The following DNM2 variants were observed in gnomAD, a reference collection of about 807,000 sequenced individuals.
DNM2 encodes the protein dynamin-2.
A neutral mutation model predicts 99.0 loss-of-function variants in DNM2; 15 were observed. The observed-to-expected ratio is 0.15, with a 90% CI of 0.10 to 0.23. The LOEUF (loss-of-function observed/expected upper bound fraction) is 0.23, where lower values mean the gene tolerates loss of function less well. Ranked by LOEUF, DNM2 falls within the 10% of genes least tolerant of loss-of-function variation. The pLI, the probability that DNM2 is intolerant of heterozygous loss-of-function variation, is 1.00. For synonymous variants in DNM2, 525 were observed against 481.2 expected (o/e 1.09, Z -1.19); for missense variants, 742 against 1,189.4 (o/e 0.62, Z 5.53).
intron 1 of DNM2, among the ~76,000 whole-genome samples, chr19:10,731,680 A>G (rs1264729522): frequency 6.6e-6 from 1 of 152,144 alleles, no homozygotes; most frequent in Admixed American, 6.5e-5. Context: ...CTACATCAAC[A>G]TCAGGGGACA....
chr19:10,830,215 A>T lies in DNM2; in HGVS notation c.2380A>T (p.Ile794Phe). The change falls in exon 20 of 21, where the codon ATT (isoleucine) becomes TTT (phenylalanine). Residue 794 changes from isoleucine (I) to phenylalanine (F), a missense_variant. Coordinates refer to ENST00000389253, the MANE Select transcript of DNM2 (RefSeq NM_001005361.3). The surrounding 1 kb of genome is among the most constrained non-coding windows in gnomAD (Gnocchi z 4.8). ...GGGCCCCACTCCAGGGCCCCCCCTG[A>T]TTCCTGTTCCCGTGGGGGCAGCAGC... ...VRGPTPGPPL[I>F]PVPVGAAASF... 6.2e-7 allele frequency: 1 copy of T among 1,613,430 alleles called. No individual in the cohort carries two copies. Among genetic ancestry groups the T allele is most frequent in the Non-Finnish European group, 8.5e-7 (1 of 1,179,744 alleles).
intron 6 of DNM2, among the ~76,000 whole-genome samples, chr19:10,783,888 A>G (rs1291182376): frequency 6.6e-6 from 1 of 151,750 alleles, no homozygotes; most frequent in Non-Finnish European, 1.5e-5. Flanking sequence ...TTTAGTAGAG[A>G]TGGAGTTTCA....
chr19:10,754,264 T>TC (rs147917710), intron 1 of DNM2, among the ~76,000 whole-genome samples: 1,940 of 152,012 alleles, frequency 0.013, 7 homozygotes, highest in Non-Finnish European at 0.018. Flanking sequence ...TAAGTCTTTT[T>TC]TTTTTTTTTT....
At position 10,796,284 on chromosome 19, in the gene DNM2, G is replaced by GC; in HGVS notation, c.1196+850dup. 2 of 1,592,596 alleles carry GC rather than the reference G, an allele frequency of 1.3e-6. No homozygotes were observed. Among genetic ancestry groups the GC allele is most frequent in the Non-Finnish European group, 1.7e-6 (2 of 1,164,066 alleles). On this transcript the variant is annotated intron_variant, in intron 9 of 20. Coordinates refer to ENST00000389253, the MANE Select transcript of DNM2 (RefSeq NM_001005361.3). The surrounding 1 kb of genome is among the most constrained non-coding windows in gnomAD (Gnocchi z 5.6). ...GTATCAGGCTCCCAGCGCCTCATTGGCCCCCACTGGTGCCTTTTCTCCCCA... is the reference window on the plus strand; with the variant it reads ...GTATCAGGCTCCCAGCGCCTCATTGGCCCCCCACTGGTGCCTTTTCTCCCCA...
chr19:10,822,390 T>C (rs928170735), intron 16 of DNM2, among the ~76,000 whole-genome samples: 1 of 151,012 alleles, frequency 6.6e-6, no homozygotes, highest in Non-Finnish European at 1.5e-5. Context: ...GGGGTGTTGC[T>C]GTGTTGCTCA....
chr19:10,730,731 G>A (rs895102119), intron 1 of DNM2, among the ~76,000 whole-genome samples: 4 of 152,304 alleles, frequency 2.6e-5, no homozygotes, highest in East Asian at 1.9e-4. Context: ...CGTTGGCTTC[G>A]AGGGCTGTAA....
intron 1 of DNM2, among the ~76,000 whole-genome samples, chr19:10,733,745 G>A (rs1055975479): frequency 2.0e-5 from 3 of 151,856 alleles, no homozygotes; most frequent in Non-Finnish European, 2.9e-5. Context: ...GGTGGCTCAC[G>A]CCTGTAATCC....
chr19:10,722,022 C>T (rs769162604), intron 1 of DNM2, among the ~76,000 whole-genome samples: 2 of 152,132 alleles, frequency 1.3e-5, no homozygotes, highest in Non-Finnish European at 2.9e-5. Context: ...GCCTCAGATT[C>T]CTTTTCTGTA....
intron 1 of DNM2, among the ~76,000 whole-genome samples, chr19:10,729,197 A>T: frequency 1.3e-5 from 2 of 149,786 alleles, no homozygotes; most frequent in East Asian, 2.0e-4. Flanking sequence ...AAAATATAAA[A>T]AATTAGCCAA....
chr19:10,778,069 C>G (rs1263317115), intron 5 of DNM2, among the ~76,000 whole-genome samples: 1 of 149,078 alleles, frequency 6.7e-6, no homozygotes, highest in Non-Finnish European at 1.5e-5. Flanking sequence ...GACGGAGTCT[C>G]TGTTGCCCAG....
At chr19:10,805,870 C>T (rs777430430) in intron 12 of DNM2, 46 bp from the exon 13 acceptor site, 1 of 1,613,882 alleles carries the variant, frequency 6.2e-7, no homozygotes, top group Non-Finnish European at 8.5e-7. Flanking sequence ...CCTTCTTCCC[C>T]CCCGGCATCT....
intron 6 of DNM2, among the ~76,000 whole-genome samples, chr19:10,786,231 T>C (rs1386125019): frequency 6.6e-6 from 1 of 152,230 alleles, no homozygotes; most frequent in Non-Finnish European, 1.5e-5. Context: ...CCTGTCCCCA[T>C]GTGTGTTCAT....
At chr19:10,730,248 G>A (rs2069265431) in intron 1 of DNM2, among the ~76,000 whole-genome samples, 3 of 152,164 alleles carry the variant, frequency 2.0e-5, no homozygotes, top group South Asian at 2.1e-4. Flanking sequence ...GGGAGGCCGA[G>A]GCAACATGGC....
chr19:10,762,911 G>A (rs1037244347), intron 2 of DNM2, among the ~76,000 whole-genome samples: 11 of 152,174 alleles, frequency 7.2e-5, no homozygotes, highest in Admixed American at 2.0e-4. Flanking sequence ...GATGGGTGTG[G>A]CAGCTGTGGT....
In DNM2 at chr19:10,759,824, G is replaced by A. The variant is rs201274056; in HGVS notation, c.235+13G>A. 8.7e-6 allele frequency: 14 copies of A among 1,613,960 alleles called. No individual in the cohort carries two copies. Among genetic ancestry groups the A allele is most frequent in the Admixed American group, 8.3e-5 (5 of 59,994 alleles). On this transcript the variant is annotated intron_variant, in intron 2 of 20. Coordinates refer to ENST00000389253, the MANE Select transcript of DNM2 (RefSeq NM_001005361.3). ...TTCTCAAAAACAGGTAAAATGGGGC[G>A]GCCTGAGGTTCAGCAGGAAGTGGAT...
At chr19:10,780,462 A>G (rs1310910246) in intron 5 of DNM2, 1 of 152,228 alleles carries the variant, frequency 6.6e-6, no homozygotes, top group Non-Finnish European at 1.5e-5. Flanking sequence ...CTCCTGACTC[A>G]CTGATGTCCA....
rs919129359 is a variant in DNM2 at position 10,795,516 on chromosome 19, C to T, written c.1196+77C>T. On this transcript the variant is annotated intron_variant, in intron 9 of 20. Coordinates refer to ENST00000389253, the MANE Select transcript of DNM2 (RefSeq NM_001005361.3). This position sits in a 1 kb window ranked among gnomAD's most constrained non-coding sequence, Gnocchi z 4.2. The stretch of plus-strand genomic sequence containing the variant: ...CCCCCAGCTAATTGGGTCACCCACA[C>T]CTCTGAGTCCCTAATCGTTAGGCCT... 4 of 1,518,730 alleles carry T rather than the reference C, an allele frequency of 2.6e-6. No individual in the cohort carries two copies. The African/African-American group carries it at 4.1e-5, about 16-fold the overall frequency. 94.1% of individuals were successfully genotyped at this position (1,518,730 alleles called of 1,614,324 possible).
chr19:10,799,678 C>T (rs2072068490), intron 11 of DNM2, among the ~76,000 whole-genome samples: 1 of 151,892 alleles, frequency 6.6e-6, no homozygotes, highest in African/African-American at 2.4e-5. Flanking sequence ...GGACTACAGG[C>T]ACATGCCACT....
At chr19:10,735,606 C>T (rs761099189) in intron 1 of DNM2, among the ~76,000 whole-genome samples, 3 of 151,962 alleles carry the variant, frequency 2.0e-5, no homozygotes, top group Admixed American at 1.3e-4. Context: ...CTCCGCCTCC[C>T]GGATTCAAGC....
Sources: gnomAD v4.1 joint callset for allele counts (sites outside exome capture counted in the v4.1 genomes callset) on GRCh38, gnomAD v4.1.1 for gene constraint, Gnocchi (gnomAD v3.1) non-coding constraint, MANE v1.5 for transcripts, NCBI Gene and HGNC (gene_info 2026-07-23, HGNC 2026-07-21) for gene names.